Variants in PRR16 observed in about 807,000 individuals in gnomAD.
PRR16 encodes proline rich 16, also known as protein Largen.
Under a neutral mutation model 18.2 loss-of-function variants are expected in PRR16, and 6 were observed. The observed-to-expected ratio is 0.33, with a 90% confidence interval of 0.18 to 0.65. The LOEUF is 0.65. Ranked by LOEUF, PRR16 falls within the 30% of genes least tolerant of loss-of-function variation. The probability of loss-of-function intolerance (pLI) is 0.74; values close to 1 mark genes in which losing one functional copy is unlikely to be tolerated. For missense variants in PRR16, 412 were observed against 376.6 expected (o/e 1.09, Z -0.78); for synonymous variants, 151 against 147.8 (o/e 1.02, Z -0.16).
the PRR16 span, among the ~76,000 whole-genome samples, chr5:120,738,832 G>T: frequency 6.6e-6 from 1 of 152,180 alleles, no homozygotes; most frequent in Non-Finnish European, 1.5e-5. Flanking sequence ...GCAAATAGCA[G>T]TGAGCAGAGA....
the PRR16 span, among the ~76,000 whole-genome samples, chr5:120,702,771 A>G: frequency 6.6e-6 from 1 of 152,180 alleles, no homozygotes; most frequent in African/African-American, 2.4e-5. Context: ...GTGGAGGGAC[A>G]GTGAGAGAGG....
intron 1 of PRR16, among the ~76,000 whole-genome samples, chr5:120,598,029 A>C (rs17146822): frequency 0.051 from 7,707 of 151,944 alleles, 488 homozygotes; most frequent in African/African-American, 0.15. Flanking sequence ...GTATACAAAC[A>C]TACAGGACCG....
At chr5:120,592,690 A>AT (rs1391422793) in intron 1 of PRR16, among the ~76,000 whole-genome samples, 1 of 152,046 alleles carries the variant, frequency 6.6e-6, no homozygotes, top group East Asian at 1.9e-4. Context: ...TTAAATGGAG[A>AT]TTTTTGTCTC....
At chr5:120,700,696 C>T in the PRR16 span, among the ~76,000 whole-genome samples, 1 of 152,014 alleles carries the variant, frequency 6.6e-6, no homozygotes, top group African/African-American at 2.4e-5. Context: ...GTTATGGAGG[C>T]AAGGGAAACA....
chr5:120,711,900 T>A, the PRR16 span, among the ~76,000 whole-genome samples: 1 of 152,170 alleles, frequency 6.6e-6, no homozygotes. Flanking sequence ...GCCCCTCCCA[T>A]GGACATTTGA....
chr5:120,662,848 G>T (rs1489867812), intron 1 of PRR16, among the ~76,000 whole-genome samples: 1 of 152,074 alleles, frequency 6.6e-6, no homozygotes. Flanking sequence ...GGACCTTGGG[G>T]GCAGGAATAG....
At chr5:120,786,085 T>G in the PRR16 span, among the ~76,000 whole-genome samples, 1 of 134,568 alleles carries the variant, frequency 7.4e-6, no homozygotes, top group Admixed American at 7.4e-5. Context: ...GAAGAAAGCT[T>G]TTGTTTTTTT....
chr5:120,779,577 C>A, the PRR16 span, among the ~76,000 whole-genome samples: 1 of 151,954 alleles, frequency 6.6e-6, no homozygotes, highest in South Asian at 2.1e-4. Context: ...TGTGTTCGTG[C>A]AAAATGACAC....
chr5:120,667,717 G>A (rs970665643), intron 1 of PRR16, among the ~76,000 whole-genome samples: 37 of 151,982 alleles, frequency 2.4e-4, no homozygotes, highest in South Asian at 4.2e-4. Flanking sequence ...TATGTACCCA[G>A]TAGTCATTCA....
the PRR16 span, among the ~76,000 whole-genome samples, chr5:120,700,518 G>T: frequency 5.3e-5 from 8 of 152,156 alleles, no homozygotes; most frequent in South Asian, 1.7e-3. Context: ...CTGTAGTCCA[G>T]GAATAGTCAG....
At chr5:120,756,450 A>C in the PRR16 span, among the ~76,000 whole-genome samples, 1 of 152,028 alleles carries the variant, frequency 6.6e-6, no homozygotes, top group Non-Finnish European at 1.5e-5. Flanking sequence ...CTGCGGCCTC[A>C]CCAGCATCGG....
the PRR16 span, among the ~76,000 whole-genome samples, chr5:120,753,792 C>G: frequency 7.1e-6 from 1 of 141,642 alleles, no homozygotes; most frequent in Non-Finnish European, 1.5e-5. Context: ...ATTATATGTA[C>G]TCTAACATCC....
intron 1 of PRR16, among the ~76,000 whole-genome samples, chr5:120,609,798 A>G (rs955705238): frequency 6.6e-6 from 1 of 152,074 alleles, no homozygotes. Context: ...ATTTCTCTGG[A>G]CTGTTTCTGG....
chr5:120,649,238 A>T (rs2150130107), intron 1 of PRR16, among the ~76,000 whole-genome samples: 1 of 152,238 alleles, frequency 6.6e-6, no homozygotes, highest in Non-Finnish European at 1.5e-5. Flanking sequence ...TTTTGAAGTT[A>T]GTATGAGTAT....
chr5:120,761,632 C>T, the PRR16 span, among the ~76,000 whole-genome samples: 1 of 151,858 alleles, frequency 6.6e-6, no homozygotes, highest in African/African-American at 2.4e-5. Flanking sequence ...TAATGTGGTA[C>T]ATGTAATATT....
intron 1 of PRR16, among the ~76,000 whole-genome samples, chr5:120,557,310 G>A (rs1752445559): frequency 1.3e-5 from 2 of 151,876 alleles, no homozygotes; most frequent in Admixed American, 1.3e-4. Context: ...CCAGTTTTTT[G>A]CTTGTTTGAT....
intron 1 of PRR16, among the ~76,000 whole-genome samples, chr5:120,596,215 G>A (rs928131710): frequency 6.6e-6 from 1 of 151,140 alleles, no homozygotes; most frequent in African/African-American, 2.4e-5. Flanking sequence ...CATGGAATAT[G>A]AGAAGGAACC....
At chr5:120,653,378 C>T (rs958666206) in intron 1 of PRR16, among the ~76,000 whole-genome samples, 13 of 151,644 alleles carry the variant, frequency 8.6e-5, no homozygotes, top group Non-Finnish European at 1.8e-4. Context: ...CACCAAAATG[C>T]ATTTTGTGTA....
intron 1 of PRR16, among the ~76,000 whole-genome samples, chr5:120,485,067 C>G (rs192846310): frequency 6.6e-6 from 1 of 151,834 alleles, no homozygotes; most frequent in South Asian, 2.1e-4. Flanking sequence ...AATAGTGTAG[C>G]TGATTATCTG....
Sources: allele counts gnomAD v4.1 joint callset (sites outside exome capture counted in the v4.1 genomes callset), GRCh38; gene constraint gnomAD v4.1.1; transcripts MANE v1.5; gene names NCBI Gene and HGNC (gene_info 2026-07-23, HGNC 2026-07-21).